Variants in HOATZ observed in about 807,000 individuals in gnomAD.
The protein encoded by HOATZ is HOATZ cilia and flagella associated protein.
In HOATZ, 26 loss-of-function variants were observed where a neutral mutation model predicts 24.9. The ratio of observed to expected loss-of-function variants is 1.04; its 90% CI spans 0.76 to 1.45. The LOEUF (loss-of-function observed/expected upper bound fraction) is 1.45, where lower values mean the gene tolerates loss of function less well. Ranked by LOEUF, HOATZ falls within the 40% of genes most tolerant of loss-of-function variation. The pLI, the probability that HOATZ is intolerant of heterozygous loss-of-function variation, is 0.00. For missense variants in HOATZ, 226 were observed against 201.5 expected (o/e 1.12, Z -0.74); for synonymous variants, 83 against 76.6 (o/e 1.08, Z -0.43).
At position 111,534,456 on chromosome 11, in the gene HOATZ, C is replaced by G; in HGVS notation, c.444C>G (p.His148Gln). 1 of 1,608,786 alleles carries G rather than the reference C, an allele frequency of 6.2e-7. No individual in the cohort carries two copies. The highest frequency in any genetic ancestry group is 1.7e-4 in the Middle Eastern group (1 of 6,044). ...SLPYKPKAKEHKAKKVVSESD... is the reference protein window; with the variant it reads ...SLPYKPKAKEQKAKKVVSESD... The stretch of plus-strand genomic sequence containing the variant: ...CGTATAAACCAAAAGCCAAAGAACA[C>G]AAAGCAAAGTAAGTTTACCTATGTC... The change falls in exon 5 of 6, where the codon CAC (histidine) becomes CAG (glutamine). Residue 148 changes from histidine (H) to glutamine (Q), a missense_variant. His to Gln is a conservative substitution (Grantham distance 24, BLOSUM62 0). Transcript: ENST00000375618.
rs559666071 is a variant in HOATZ, at chr11:111,526,124, G to C, written c.340-7622G>C. ...ACATTGGAAGAGCATTCCAGGCAGCGAAAACAGCATGTGCAAAGACCCTCT... is the reference window on the plus strand; with the variant it reads ...ACATTGGAAGAGCATTCCAGGCAGCCAAAACAGCATGTGCAAAGACCCTCT... On this transcript the variant is annotated intron_variant, in intron 3 of 5. Transcript: ENST00000375618. Among the ~76,000 whole-genome samples, 7 of 151,346 alleles carry C rather than the reference G, an allele frequency of 4.6e-5. 1 individual carries two copies. Among genetic ancestry groups the C allele is most frequent in the African/African-American group, 1.7e-4 (7 of 40,696 alleles).
intron 3 of HOATZ, among the ~76,000 whole-genome samples, chr11:111,522,637 T>C (rs532867429): frequency 1.3e-5 from 2 of 152,354 alleles, no homozygotes; most frequent in African/African-American, 4.8e-5. Flanking sequence ...TACAGTCATT[T>C]GTCTAGTTGA....
In HOATZ at chr11:111,530,989, C is replaced by T. The variant is rs143749483; in HGVS notation, c.340-2757C>T. ...TGTGATATGTGATATTTAAAGGCAC[C>T]AAAGTCCTTTATAATAAAAAATAAC... is the stretch of plus-strand genomic sequence containing the variant. On this transcript the variant is annotated intron_variant, in intron 3 of 5. Coordinates refer to ENST00000375618, the MANE Select transcript of HOATZ (RefSeq NM_001100388.2). Among the ~76,000 whole-genome samples, 33 of 151,904 alleles carry T rather than the reference C, an allele frequency of 2.2e-4. No homozygotes were observed. The East Asian group carries it at 6.2e-3, about 28-fold the overall frequency.
intron 3 of HOATZ, among the ~76,000 whole-genome samples, chr11:111,518,111 T>A (rs1219160340): frequency 6.6e-6 from 1 of 152,218 alleles, no homozygotes; most frequent in Non-Finnish European, 1.5e-5. Context: ...GAAAAGTATA[T>A]TTTTGTTATA....
intron 3 of HOATZ, among the ~76,000 whole-genome samples, chr11:111,517,055 T>C (rs938274268): frequency 2.6e-5 from 4 of 152,232 alleles, no homozygotes; most frequent in Admixed American, 2.0e-4. Context: ...TCTTTAATCA[T>C]TGGACATATT....
At chr11:111,521,854 C>T (rs1385243697) in intron 3 of HOATZ, among the ~76,000 whole-genome samples, 1 of 152,202 alleles carries the variant, frequency 6.6e-6, no homozygotes, top group Non-Finnish European at 1.5e-5. Context: ...TTTCAGTTGA[C>T]AGATGAGGTT....
chr11:111,520,366 ATG>A lies in HOATZ; in HGVS notation c.339+4257_339+4258del, dbSNP rs558112414. Reference sequence around the variant, plus strand: ...ATATATGTAAATGACAGATTTGGAAATGATCTGTATTCAAAGTTTTAACATGA... The same window carrying A: ...ATATATGTAAATGACAGATTTGGAAAATCTGTATTCAAAGTTTTAACATGA... On this transcript the variant is annotated intron_variant, in intron 3 of 5. Coordinates refer to ENST00000375618, the MANE Select transcript of HOATZ (RefSeq NM_001100388.2). Among the ~76,000 whole-genome samples, 468 of 152,336 alleles carry A rather than the reference ATG, an allele frequency of 3.1e-3. 5 individuals are homozygous for A. Among genetic ancestry groups the A allele is most frequent in the East Asian group, 2.3e-3 (12 of 5,188 alleles).
At chr11:111,533,021 A>T (rs1325875379) in intron 3 of HOATZ, among the ~76,000 whole-genome samples, 1 of 152,240 alleles carries the variant, frequency 6.6e-6, no homozygotes, top group African/African-American at 2.4e-5. Flanking sequence ...TATATTGATA[A>T]ATCTTCATGC....
chr11:111,518,505 C>T (rs974922506), intron 3 of HOATZ, among the ~76,000 whole-genome samples: 1 of 152,072 alleles, frequency 6.6e-6, no homozygotes, highest in African/African-American at 2.4e-5. Context: ...TAAAATAGCC[C>T]ATTATGATTA....
At chr11:111,526,929 G>C (rs970595129) in intron 3 of HOATZ, among the ~76,000 whole-genome samples, 1 of 152,162 alleles carries the variant, frequency 6.6e-6, no homozygotes, top group Non-Finnish European at 1.5e-5. Context: ...GAAAAGCTTT[G>C]ATAATTATTG....
chr11:111,521,078 A>C (rs189452806), intron 3 of HOATZ, among the ~76,000 whole-genome samples: 33 of 152,266 alleles, frequency 2.2e-4, no homozygotes, highest in Admixed American at 1.8e-3. Flanking sequence ...TTCATGCTGC[A>C]GCCATTTTGA....
chr11:111,530,260 T>C (rs1309324525), intron 3 of HOATZ, among the ~76,000 whole-genome samples: 1 of 152,212 alleles, frequency 6.6e-6, no homozygotes, highest in African/African-American at 2.4e-5. Flanking sequence ...CAGTGATTAC[T>C]GCATAGTTGT....
intron 3 of HOATZ, among the ~76,000 whole-genome samples, chr11:111,525,379 A>G (rs1867326723): frequency 6.6e-6 from 1 of 152,150 alleles, no homozygotes; most frequent in Non-Finnish European, 1.5e-5. Flanking sequence ...CATTCTCTGG[A>G]GTTTCTGGTC....
intron 4 of HOATZ, 114 bp downstream of exon 4, chr11:111,533,919 C>A: frequency 1.5e-6 from 1 of 677,964 alleles, no homozygotes; most frequent in Non-Finnish European, 2.3e-6. Flanking sequence ...AGTCCAGAGC[C>A]ATTGATATAC....
At chr11:111,515,137 T>C (rs1867168164) in intron 1 of HOATZ, 127 bp downstream of exon 1, 2 of 659,910 alleles carry the variant, frequency 3.0e-6, no homozygotes, top group South Asian at 3.8e-5. Context: ...TACAAATGCA[T>C]GTATAAATAT....
chr11:111,529,781 G>A (rs2135780850), intron 3 of HOATZ, among the ~76,000 whole-genome samples: 1 of 152,288 alleles, frequency 6.6e-6, no homozygotes, highest in African/African-American at 2.4e-5. Context: ...CTAAAGTCTA[G>A]TGTTTATTAA....
In HOATZ at chr11:111,536,783, G is replaced by T; in HGVS notation, c.466G>T (p.Glu156Ter). ...TACTACCAACAGGAAAGTGGTATCAGAGTCAGATAAAGAGGACCAAGAAGA... is the reference window on the plus strand; with the variant it reads ...TACTACCAACAGGAAAGTGGTATCATAGTCAGATAAAGAGGACCAAGAAGA... ...KEHKAKKVVS[E>*]SDKEDQEEVK... Residue 156 changes from glutamate to a stop codon, truncating the protein, a stop_gained, in exon 6 of 6, where the codon GAG becomes TAG. Coordinates refer to ENST00000375618, the MANE Select transcript of HOATZ (RefSeq NM_001100388.2). LOFTEE classifies it high-confidence loss of function. The T allele has an allele frequency of 6.2e-7, 1 of 1,613,562 alleles. No individual in the cohort carries two copies. The highest frequency in any genetic ancestry group is 2.2e-5 in the East Asian group (1 of 44,838).
rs73013172 is a variant in HOATZ at position 111,523,518 on chromosome 11, T to C, written c.339+7408T>C. 7.5e-3 allele frequency among the ~76,000 whole-genome samples: 1,137 copies of C among 152,296 alleles called. 8 individuals carry two copies. The highest frequency in any genetic ancestry group is 0.012 in the Non-Finnish European group (808 of 68,026). ...GTTTAGTATTCACTGATTCAGTGTT[T>C]GCGGTGACATTCTAGAACATAACTA... On this transcript the variant is annotated intron_variant, in intron 3 of 5. Transcript: ENST00000375618.
In HOATZ at chr11:111,515,024, C is replaced by T. The variant is rs575846788; in HGVS notation, c.226+14C>T. 14 of 1,594,864 alleles carry T rather than the reference C, an allele frequency of 8.8e-6. No homozygotes were observed. In the Admixed American group the frequency reaches 2.2e-4, roughly 25 times the overall value. ...GCAGAGGGTCTGGTGAGTAGAATAG[C>T]GGCCTCCTGTCAGTCATATCTGCCT... On this transcript the variant is annotated intron_variant, in intron 1 of 5. Coordinates refer to ENST00000375618, the MANE Select transcript of HOATZ (RefSeq NM_001100388.2).
Sources: allele counts gnomAD v4.1 joint callset (sites outside exome capture counted in the v4.1 genomes callset), GRCh38; gene constraint gnomAD v4.1.1; transcripts MANE v1.5; gene names NCBI Gene and HGNC (gene_info 2026-07-23, HGNC 2026-07-21).